ABL1: variants seen among roughly 807,000 people sequenced by gnomAD.
ABL1 encodes ABL proto-oncogene 1, non-receptor tyrosine kinase.
Under a neutral mutation model 94.7 loss-of-function variants are expected in ABL1, and 11 were observed. The ratio of observed to expected loss-of-function variants is 0.12; its 90% confidence interval spans 0.07 to 0.19. The LOEUF (loss-of-function observed/expected upper bound fraction) is 0.19, where lower values mean the gene tolerates loss of function less well. Ranked by LOEUF, ABL1 falls within the 10% of genes least tolerant of loss-of-function variation. The probability of loss-of-function intolerance (pLI) is 1.00; values close to 1 mark genes in which losing one functional copy is unlikely to be tolerated. For synonymous variants in ABL1, 656 were observed against 622.4 expected, an observed-to-expected ratio of 1.05 and a Z score of -0.80; for missense variants, 1,082 against 1,489.4, an observed-to-expected ratio of 0.73 and a Z score of 4.50.
chr9:130,739,037 C>T (rs1239563152), intron 1 of ABL1, among the ~76,000 whole-genome samples: 2 of 152,116 alleles, frequency 1.3e-5, no homozygotes, highest in African/African-American at 4.8e-5. Flanking sequence ...GCTACAGGCG[C>T]GTGCCACCAT....
chr9:130,746,712 G>A (rs1247536203), intron 1 of ABL1, among the ~76,000 whole-genome samples: 1 of 151,654 alleles, frequency 6.6e-6, no homozygotes, highest in Admixed American at 6.6e-5. Context: ...TGCTTGGTGG[G>A]GCATTGGTGA....
intron 1 of ABL1, among the ~76,000 whole-genome samples, chr9:130,761,863 C>T (rs1832119106): frequency 1.3e-5 from 2 of 152,158 alleles, no homozygotes; most frequent in African/African-American, 4.8e-5. Flanking sequence ...AAATTCACAT[C>T]TGGGCTCAGT....
In ABL1 at chr9:130,853,953, G is replaced by C. The variant is rs1303062267; in HGVS notation, c.80-111G>C. On this transcript the variant is annotated intron_variant, in intron 1 of 10. Transcript: ENST00000318560. ...GTACAGATGTTAAGAAATGAAATAGGAATGTGTAATGTTGGAAACACAAAT... is the reference window on the plus strand; with the variant it reads ...GTACAGATGTTAAGAAATGAAATAGCAATGTGTAATGTTGGAAACACAAAT... 4.6e-6 allele frequency: 5 copies of C among 1,095,650 alleles called. No homozygotes were observed. The East Asian group carries it at 1.2e-4, about 27-fold the overall frequency. 67.9% of individuals were successfully genotyped at this position (1,095,650 alleles called of 1,614,324 possible).
At chr9:130,725,836 T>TGTTTG in intron 1 of ABL1, among the ~76,000 whole-genome samples, 1 of 119,306 alleles carries the variant, frequency 8.4e-6, no homozygotes, top group African/African-American at 3.5e-5. Flanking sequence ...TTTTTTTTTT[T>TGTTTG]TTTTTTTTTT....
intron 1 of ABL1, among the ~76,000 whole-genome samples, chr9:130,718,147 G>A (rs553996390): frequency 3.3e-5 from 5 of 151,078 alleles, no homozygotes; most frequent in Non-Finnish European, 5.9e-5. Flanking sequence ...ATGAAACCCC[G>A]TCTGTACTAA....
At chr9:130,745,373 T>G (rs995065529) in intron 1 of ABL1, among the ~76,000 whole-genome samples, 2 of 151,964 alleles carry the variant, frequency 1.3e-5, no homozygotes, top group African/African-American at 4.8e-5. Flanking sequence ...CGTGAGTCAC[T>G]GTGCCCAGCC....
intron 1 of ABL1, among the ~76,000 whole-genome samples, chr9:130,793,285 T>C (rs1829932656): frequency 6.6e-6 from 1 of 152,246 alleles, no homozygotes; most frequent in Non-Finnish European, 1.5e-5. Context: ...ATTTTTAGTA[T>C]TCCTGTCAGT....
chr9:130,751,335 A>G (rs1831964577), intron 1 of ABL1, among the ~76,000 whole-genome samples: 1 of 151,306 alleles, frequency 6.6e-6, no homozygotes, highest in African/African-American at 2.4e-5. Context: ...TAGAGACAGC[A>G]TCTCACCATG....
chr9:130,766,557 C>G (rs1422062470), intron 1 of ABL1, among the ~76,000 whole-genome samples: 1 of 152,156 alleles, frequency 6.6e-6, no homozygotes, highest in African/African-American at 2.4e-5. Flanking sequence ...TCCCACCAAA[C>G]CTGGCCTTGT....
intron 1 of ABL1, among the ~76,000 whole-genome samples, chr9:130,791,330 A>C (rs1829906743): frequency 6.6e-6 from 1 of 152,214 alleles, no homozygotes; most frequent in South Asian, 2.1e-4. Context: ...AACGAAGTGA[A>C]ATAAAGACAT....
At chr9:130,870,289 C>T (rs960819314) in intron 4 of ABL1, among the ~76,000 whole-genome samples, 1 of 151,800 alleles carries the variant, frequency 6.6e-6, no homozygotes, top group South Asian at 2.1e-4. Flanking sequence ...AGCCATGTTC[C>T]TTTTGCATGT....
chr9:130,798,541 C>T (rs555044002), intron 1 of ABL1, among the ~76,000 whole-genome samples: 1 of 152,144 alleles, frequency 6.6e-6, no homozygotes, highest in Non-Finnish European at 1.5e-5. Context: ...GAAAACCCTA[C>T]AGCACTTTGC....
chr9:130,780,356 T>C (rs745966401), intron 1 of ABL1, among the ~76,000 whole-genome samples: 1 of 152,170 alleles, frequency 6.6e-6, no homozygotes, highest in Non-Finnish European at 1.5e-5. Context: ...CCTCTGGCTT[T>C]TGGCTGTTTT....
intron 1 of ABL1, among the ~76,000 whole-genome samples, chr9:130,850,383 G>C (rs529694971): frequency 6.6e-6 from 1 of 152,234 alleles, no homozygotes; most frequent in South Asian, 2.1e-4. Context: ...GGAATGCGTA[G>C]TGAATGGCTC....
At chr9:130,714,572 T>A in intron 1 of ABL1, 2 of 1,369,048 alleles carry the variant, frequency 1.5e-6, no homozygotes, top group Non-Finnish European at 2.1e-6. Context: ...TTAATAAATT[T>A]GTTACTGTAG....
Position 130,854,789 on chromosome 9 carries a change from C to A in ABL1, c.254-12C>A, listed in dbSNP as rs1484333997. On this transcript the variant is annotated splice_polypyrimidine_tract_variant and intron_variant, in intron 2 of 10. Coordinates refer to ENST00000318560, the MANE Select transcript of ABL1 (RefSeq NM_005157.6). Reference sequence around the variant, plus strand: ...AAAGCTGATATGTCTGATTTGGTTCCTTTCTTCTCAGGTGAAAAGCTCCGG... The same window carrying A: ...AAAGCTGATATGTCTGATTTGGTTCATTTCTTCTCAGGTGAAAAGCTCCGG... 6.2e-7 allele frequency: 1 copy of A among 1,608,372 alleles called. No individual in the cohort carries two copies. Among genetic ancestry groups the A allele is most frequent in the Middle Eastern group, 1.7e-4 (1 of 6,026 alleles).
At chr9:130,855,704 G>A (rs1334407388) in intron 3 of ABL1, among the ~76,000 whole-genome samples, 1 of 152,156 alleles carries the variant, frequency 6.6e-6, no homozygotes, top group Non-Finnish European at 1.5e-5. Context: ...ATCCTTAAGA[G>A]TCCATAAAGA....
chr9:130,738,583 A>G (rs181492291), intron 1 of ABL1, among the ~76,000 whole-genome samples: 1 of 152,280 alleles, frequency 6.6e-6, no homozygotes, highest in African/African-American at 2.4e-5. Flanking sequence ...TATCATGTTG[A>G]TGAGAAAAAA....
At chr9:130,741,583 G>T (rs1387586529) in intron 1 of ABL1, among the ~76,000 whole-genome samples, 4 of 151,924 alleles carry the variant, frequency 2.6e-5, no homozygotes, top group Admixed American at 2.6e-4. Context: ...CCATGCCAGA[G>T]TAACAGTTAC....
Sources: gnomAD v4.1 joint callset for allele counts (sites outside exome capture counted in the v4.1 genomes callset) on GRCh38, gnomAD v4.1.1 for gene constraint, MANE v1.5 for transcripts, NCBI Gene and HGNC (gene_info 2026-07-23, HGNC 2026-07-21) for gene names.